The following CDH6 variants were observed in gnomAD, a reference collection of about 807,000 sequenced individuals.
CDH6 encodes the protein cadherin-6.
In CDH6, 31 loss-of-function variants were observed where a neutral mutation model predicts 78.0. The observed-to-expected ratio is 0.40, with a 90% CI of 0.30 to 0.54. The LOEUF (loss-of-function observed/expected upper bound fraction) is 0.54, where lower values mean the gene tolerates loss of function less well. Ranked by LOEUF, CDH6 falls within the 20% of genes least tolerant of loss-of-function variation. CDH6 has a pLI of 0.56. For missense variants in CDH6, 724 were observed against 975.9 expected (o/e 0.74, Z 3.44); for synonymous variants, 376 against 368.8 (o/e 1.02, Z -0.23).
chr5:31,285,709 T>C (rs1742993412), intron 2 of CDH6, among the ~76,000 whole-genome samples: 1 of 152,234 alleles, frequency 6.6e-6, no homozygotes, highest in African/African-American at 2.4e-5. Context: ...GGTAAAATCT[T>C]GCAGCTTTTT....
At position 31,264,329 on chromosome 5, in the gene CDH6, C is replaced by T. The variant is rs909299212; in HGVS notation, c.-128-3017C>T. ...TAATTAGTGATTAGAATACCTAATA[C>T]TTATTAATACCTTACCAAATGCCAG... On this transcript the variant is annotated intron_variant, in intron 1 of 11. Transcript: ENST00000265071. Among the ~76,000 whole-genome samples the T allele has an allele frequency of 4.6e-5, 7 of 152,118 alleles. No homozygotes were observed. The East Asian group carries it at 1.3e-3, about 29-fold the overall frequency.
intron 2 of CDH6, among the ~76,000 whole-genome samples, chr5:31,289,061 G>A (rs1264092659): frequency 2.0e-5 from 3 of 152,072 alleles, no homozygotes; most frequent in Non-Finnish European, 2.9e-5. Context: ...TGGGCCTCTA[G>A]TGTACCTATC....
At chr5:31,249,612 G>A (rs1387446134) in intron 1 of CDH6, 1 of 152,236 alleles carries the variant, frequency 6.6e-6, no homozygotes, top group Non-Finnish European at 1.5e-5. Context: ...GTTATACTTG[G>A]AAAAGGGCTG....
intron 2 of CDH6, among the ~76,000 whole-genome samples, chr5:31,281,106 C>G (rs1445797507): frequency 6.6e-6 from 1 of 152,010 alleles, no homozygotes; most frequent in African/African-American, 2.4e-5. Context: ...CTTTTTAGAT[C>G]CTAAGTAAAA....
intron 7 of CDH6, among the ~76,000 whole-genome samples, chr5:31,308,479 T>G (rs1254339824): frequency 1.3e-5 from 2 of 149,840 alleles, no homozygotes; most frequent in African/African-American, 4.9e-5. Flanking sequence ...GCTATGATCA[T>G]GATGGGATTT....
At chr5:31,247,090 A>G (rs1166031760) in intron 1 of CDH6, among the ~76,000 whole-genome samples, 1 of 152,178 alleles carries the variant, frequency 6.6e-6, no homozygotes, top group Non-Finnish European at 1.5e-5. Context: ...TTCTGCCCTC[A>G]TACCTTTCAG....
At chr5:31,241,976 G>C (rs1335856555) in intron 1 of CDH6, among the ~76,000 whole-genome samples, 2 of 152,198 alleles carry the variant, frequency 1.3e-5, no homozygotes, top group Non-Finnish European at 2.9e-5. Context: ...AGCTACTCTT[G>C]GCCCCTATTG....
intron 7 of CDH6, 58 bp from the exon 8 acceptor site, chr5:31,313,260 G>A: frequency 1.4e-6 from 2 of 1,481,076 alleles, no homozygotes; most frequent in South Asian, 1.2e-5. Flanking sequence ...GATGTTCTAT[G>A]ATGTGAGAAT....
chr5:31,222,873 A>C lies in CDH6; in HGVS notation c.-129+28987A>C, dbSNP rs530836699. Among the ~76,000 whole-genome samples, 29 of 152,250 alleles carry C rather than the reference A, an allele frequency of 1.9e-4. 1 individual carries two copies. In the South Asian group the frequency reaches 5.2e-3, roughly 27 times the overall value. ...TTTCATTATTTTGTGCATTATCCTA[A>C]TCAATACCATGATCCTTAGATATTT... is the stretch of plus-strand genomic sequence containing the variant. On this transcript the variant is annotated intron_variant, in intron 1 of 11. Coordinates refer to ENST00000265071, the MANE Select transcript of CDH6 (RefSeq NM_004932.4).
intron 1 of CDH6, among the ~76,000 whole-genome samples, chr5:31,240,438 G>T (rs922308757): frequency 6.6e-6 from 1 of 152,124 alleles, no homozygotes; most frequent in Non-Finnish European, 1.5e-5. Context: ...TTAGTACTCT[G>T]AAGCTCCCTG....
chr5:31,297,186 CATG>C (rs1737632858), intron 3 of CDH6, 100 bp from the exon 4 acceptor site: 4 of 993,280 alleles, frequency 4.0e-6, no homozygotes, highest in South Asian at 2.8e-5. Context: ...ACTTCCTCAG[CATG>C]ATATTTCCAT....
intron 1 of CDH6, among the ~76,000 whole-genome samples, chr5:31,264,233 A>T (rs1475638347): frequency 2.0e-5 from 3 of 152,264 alleles, no homozygotes; most frequent in African/African-American, 7.2e-5. Flanking sequence ...TCAATAAACT[A>T]TCTTCTGCAG....
chr5:31,224,420 T>A (rs1348282656), intron 1 of CDH6, among the ~76,000 whole-genome samples: 1 of 152,210 alleles, frequency 6.6e-6, no homozygotes, highest in Non-Finnish European at 1.5e-5. Flanking sequence ...CATGGATGAT[T>A]TTTATCCCCA....
At chr5:31,278,124 G>C (rs891584793) in intron 2 of CDH6, among the ~76,000 whole-genome samples, 1 of 152,118 alleles carries the variant, frequency 6.6e-6, no homozygotes, top group African/African-American at 2.4e-5. Flanking sequence ...CCTCCCAATT[G>C]ATTGATGCAA....
intron 1 of CDH6, among the ~76,000 whole-genome samples, chr5:31,233,248 C>A: frequency 6.6e-6 from 1 of 151,024 alleles, no homozygotes. Flanking sequence ...AGTATAAAAG[C>A]TAAAAGAGAA....
intron 2 of CDH6, 55 bp downstream of exon 2, chr5:31,267,756 T>G: frequency 7.9e-7 from 1 of 1,267,642 alleles, no homozygotes; most frequent in Non-Finnish European, 1.2e-6. Flanking sequence ...AAGAAGTTAC[T>G]TCTAATAAAT....
chr5:31,322,687 A>G, intron 11 of CDH6, 131 bp from the exon 12 acceptor site: 1 of 1,044,922 alleles, frequency 9.6e-7, no homozygotes, highest in Non-Finnish European at 1.4e-6. Flanking sequence ...ATCCTTAAAG[A>G]AATAAAAGTT....
chr5:31,298,213 A>C (rs928902545), intron 4 of CDH6, among the ~76,000 whole-genome samples: 2 of 152,334 alleles, frequency 1.3e-5, no homozygotes, highest in East Asian at 3.9e-4. Flanking sequence ...ATTGTACAGT[A>C]AATTGCACAC....
In CDH6 at chr5:31,231,013, A is replaced by G. The variant is rs146017172; in HGVS notation, c.-128-36333A>G. On this transcript the variant is annotated intron_variant, in intron 1 of 11. Transcript: ENST00000265071. ...TGCTCTTTTAAATATTCTTCTAATC[A>G]CATGATTATATTTTAATTATAGTTT... Among the ~76,000 whole-genome samples the G allele has an allele frequency of 1.1e-4, 17 of 152,324 alleles. No homozygotes were observed. In the East Asian group the frequency reaches 3.3e-3, roughly 29 times the overall value.
Sources: allele counts gnomAD v4.1 joint callset (sites outside exome capture counted in the v4.1 genomes callset), GRCh38; gene constraint gnomAD v4.1.1; transcripts MANE v1.5; gene names NCBI Gene and HGNC (gene_info 2026-07-23, HGNC 2026-07-21).